Variants in FSTL4 observed in about 807,000 individuals in gnomAD.
FSTL4 encodes the protein follistatin like 4.
Under a neutral mutation model 78.2 loss-of-function variants are expected in FSTL4, and 28 were observed. The ratio of observed to expected loss-of-function variants is 0.36; its 90% CI spans 0.27 to 0.49. The LOEUF (loss-of-function observed/expected upper bound fraction) is 0.49. Ranked by LOEUF, FSTL4 falls within the 20% of genes least tolerant of loss-of-function variation. The probability of loss-of-function intolerance (pLI) is 0.98; values close to 1 mark genes in which losing one functional copy is unlikely to be tolerated. For missense variants in FSTL4, 922 were observed against 1,084.9 expected, an observed-to-expected ratio of 0.85 and a Z score of 2.11; for synonymous variants, 422 against 440.5, an observed-to-expected ratio of 0.96 and a Z score of 0.53.
intron 7 of FSTL4, among the ~76,000 whole-genome samples, chr5:133,243,445 A>G (rs544807231): frequency 6.6e-6 from 1 of 152,356 alleles, no homozygotes; most frequent in African/African-American, 2.4e-5. Flanking sequence ...AGAGGCCAGC[A>G]GCCAGTAAGA....
intron 3 of FSTL4, among the ~76,000 whole-genome samples, chr5:133,530,082 A>G (rs1759220211): frequency 6.6e-6 from 1 of 152,082 alleles, no homozygotes; most frequent in South Asian, 2.1e-4. Context: ...AAACTGCTGT[A>G]TTCTGTGTAT....
At chr5:133,528,777 C>T (rs1277236627) in intron 3 of FSTL4, among the ~76,000 whole-genome samples, 1 of 152,258 alleles carries the variant, frequency 6.6e-6, no homozygotes, top group Non-Finnish European at 1.5e-5. Context: ...GTTCCCCCAA[C>T]AACCCGTGTA....
At chr5:133,647,665 A>G in the FSTL4 span, among the ~76,000 whole-genome samples, 1 of 152,242 alleles carries the variant, frequency 6.6e-6, no homozygotes, top group Non-Finnish European at 1.5e-5. Flanking sequence ...CATAAGCTAA[A>G]GGCTTATGCA....
intron 6 of FSTL4, among the ~76,000 whole-genome samples, chr5:133,259,009 C>T (rs1581575891): frequency 2.0e-5 from 3 of 152,250 alleles, no homozygotes; most frequent in South Asian, 2.1e-4. Context: ...GTTGCTACAG[C>T]GTCCAAACTG....
chr5:133,337,353 CCA>C (rs34434524), intron 4 of FSTL4, among the ~76,000 whole-genome samples: 22,488 of 152,102 alleles, frequency 0.15, 1,878 homozygotes, highest in East Asian at 0.36. Context: ...GGACTCTTGC[CCA>C]CACTTTCCCT....
the FSTL4 span, among the ~76,000 whole-genome samples, chr5:133,788,899 GGAA>G: frequency 6.6e-6 from 1 of 152,254 alleles, no homozygotes; most frequent in Admixed American, 6.5e-5. Context: ...CGTTTTTATT[GGAA>G]GAAGGTGTTC....
the FSTL4 span, among the ~76,000 whole-genome samples, chr5:133,754,480 T>C: frequency 1.3e-5 from 2 of 152,232 alleles, no homozygotes; most frequent in African/African-American, 2.4e-5. Context: ...GAAGTTATAA[T>C]GGATAGTTTG....
chr5:133,759,434 A>T, the FSTL4 span, among the ~76,000 whole-genome samples: 1 of 152,314 alleles, frequency 6.6e-6, no homozygotes, highest in East Asian at 1.9e-4. Flanking sequence ...TGACCTACTC[A>T]TCCAATTCTG....
chr5:133,284,688 T>A (rs1256081313), intron 6 of FSTL4, among the ~76,000 whole-genome samples: 1 of 152,222 alleles, frequency 6.6e-6, no homozygotes, highest in East Asian at 1.9e-4. Context: ...GATTCAGGCA[T>A]CCAAGATTTG....
intron 2 of FSTL4, among the ~76,000 whole-genome samples, chr5:133,578,594 C>T (rs932300910): frequency 6.6e-6 from 1 of 152,154 alleles, no homozygotes; most frequent in Non-Finnish European, 1.5e-5. Context: ...AGGATAGGTG[C>T]CCATCTTCAG....
At chr5:133,820,467 GC>G in the FSTL4 span, among the ~76,000 whole-genome samples, 2 of 152,050 alleles carry the variant, frequency 1.3e-5, no homozygotes, top group Admixed American at 1.3e-4. Context: ...GAAACCAGAG[GC>G]TTGTCTGGTA....
chr5:133,300,770 G>T lies in FSTL4; in HGVS notation c.727+11884C>A, dbSNP rs923619120. On this transcript the variant is annotated intron_variant, in intron 6 of 15. Transcript: ENST00000265342. ...CACCAGGGCTGGAAGTGGCTCAGAA[G>T]AGGAGTCTCTGGAGGTGCATTTATT... 2.6e-5 allele frequency among the ~76,000 whole-genome samples: 4 copies of T among 152,220 alleles called. No individual in the cohort carries two copies. In the East Asian group the frequency reaches 7.7e-4, roughly 29 times the overall value.
At chr5:133,726,243 A>T in the FSTL4 span, among the ~76,000 whole-genome samples, 1 of 152,170 alleles carries the variant, frequency 6.6e-6, no homozygotes, top group African/African-American at 2.4e-5. Context: ...GCATGACTCA[A>T]CTCAGCCATG....
intron 4 of FSTL4, among the ~76,000 whole-genome samples, chr5:133,321,855 G>A (rs887224384): frequency 2.0e-5 from 3 of 152,236 alleles, no homozygotes; most frequent in Non-Finnish European, 4.4e-5. Context: ...CTCAGCAGGG[G>A]CTGCCAGGTT....
At chr5:133,202,112 G>T (rs1215731337) in intron 14 of FSTL4, 70 bp from the exon 15 acceptor site, 4 of 963,754 alleles carry the variant, frequency 4.2e-6, no homozygotes, top group Non-Finnish European at 6.3e-6. Context: ...ACACCTGTAC[G>T]CTCAGGTGGA....
At chr5:133,654,911 G>T in the FSTL4 span, among the ~76,000 whole-genome samples, 3 of 152,126 alleles carry the variant, frequency 2.0e-5, no homozygotes, top group East Asian at 3.9e-4. Flanking sequence ...GACATAAGTT[G>T]GTGATCACAT....
chr5:133,324,704 T>A (rs1006625640), intron 4 of FSTL4, among the ~76,000 whole-genome samples: 1 of 152,222 alleles, frequency 6.6e-6, no homozygotes, highest in Admixed American at 6.5e-5. Flanking sequence ...TCAGTGTCTG[T>A]TACCGGTATG....
chr5:133,211,032 AG>A (rs1363903120), intron 13 of FSTL4: 2 of 152,168 alleles, frequency 1.3e-5, no homozygotes, highest in African/African-American at 4.8e-5. Flanking sequence ...GTGGACTTTG[AG>A]ATCATCCATT....
intron 6 of FSTL4, among the ~76,000 whole-genome samples, chr5:133,256,291 C>T (rs568467303): frequency 2.8e-4 from 43 of 152,274 alleles, no homozygotes; most frequent in African/African-American, 8.7e-4. Context: ...TGAAACAAAC[C>T]CCTCAGGTGA....
Sources: allele counts gnomAD v4.1 joint callset (sites outside exome capture counted in the v4.1 genomes callset), GRCh38; gene constraint gnomAD v4.1.1; transcripts MANE v1.5; gene names NCBI Gene and HGNC (gene_info 2026-07-23, HGNC 2026-07-21).